H1-8: variants seen among roughly 807,000 people sequenced by gnomAD.
H1-8 encodes histone H1.8.
H1-8 carries 13 observed loss-of-function variants against 19.5 expected under a neutral mutation model. The ratio of observed to expected loss-of-function variants is 0.67; its 90% CI spans 0.43 to 1.06. The LOEUF is 1.06. Among genes scored for constraint, H1-8 ranks in the 50% least tolerant of loss-of-function variants. H1-8 has a pLI of 0.00. For synonymous variants in H1-8, 193 were observed against 187.6 expected (o/e 1.03, Z -0.24); for missense variants, 432 against 459.8 (o/e 0.94, Z 0.55).
intron 1 of H1-8, among the ~76,000 whole-genome samples, chr3:129,546,998 G>C (rs929119820): frequency 5.3e-5 from 8 of 152,210 alleles, no homozygotes; most frequent in African/African-American, 1.4e-4. Flanking sequence ...AGGAGTTCAA[G>C]ACCAGCCTGG....
At chr3:129,550,609 T>A in intron 3 of H1-8, 136 bp from the exon 4 acceptor site, 2 of 682,114 alleles carry the variant, frequency 2.9e-6, no homozygotes, top group Non-Finnish European at 5.2e-6. Flanking sequence ...AGTGGCTAAA[T>A]GATTTGCCCC....
chr3:129,546,156 A>G (rs200404854), intron 1 of H1-8, among the ~76,000 whole-genome samples: 6 of 138,706 alleles, frequency 4.3e-5, no homozygotes, highest in African/African-American at 9.4e-5. Context: ...TAATAATAAT[A>G]ATGATAATAA....
chr3:129,544,278 G>A (rs2084872172), intron 1 of H1-8, among the ~76,000 whole-genome samples: 3 of 152,190 alleles, frequency 2.0e-5, no homozygotes, highest in South Asian at 4.2e-4. Context: ...CTTCAGTTAG[G>A]TCAACTTTTA....
At position 129,549,102 on chromosome 3, in the gene H1-8, A is replaced by C. The variant is rs956127640; in HGVS notation, c.480A>C (p.Pro160=). 3.7e-6 allele frequency: 6 copies of C among 1,601,224 alleles called. No homozygotes were observed. Among genetic ancestry groups the C allele is most frequent in the Non-Finnish European group, 5.1e-6 (6 of 1,173,182 alleles). The change falls in exon 3 of 5, where the codon CCA becomes CCC. Residue 160 remains proline (P), a synonymous_variant. Transcript: ENST00000324382. ...GEAKGKGPKK[P]SEAKEDPPNV... ...CCAAGGGGAAGGGCCCCAAGAAACC[A>C]AGTGAGGCCAAGGAGGACCCTCCCA...
rs189831933 is a variant in H1-8 at position 129,547,488 on chromosome 3, G to C, written c.186G>C (p.Ala62=). 15 of 1,558,450 alleles carry C rather than the reference G, an allele frequency of 9.6e-6. No homozygotes were observed. In the South Asian group the frequency reaches 1.4e-4, roughly 15 times the overall value. The part of the protein sequence containing the change: ...HPPVLRMVLE[A]LQAGEQRRGT... ...CGGTGCTACGCATGGTGCTGGAGGC[G>C]CTGCAGGCTGGGGAGCAGCGCCGGG... The change falls in exon 2 of 5, where the codon GCG becomes GCC. Residue 62 remains alanine, a synonymous_variant. Coordinates refer to ENST00000324382, the MANE Select transcript of H1-8 (RefSeq NM_153833.3).
chr3:129,543,447 TCACCCAGCACC>T (rs755193609), intron 1 of H1-8, 141 bp downstream of exon 1: 4 of 641,366 alleles, frequency 6.2e-6, no homozygotes, highest in African/African-American at 3.7e-5. Flanking sequence ...CACCCAGCAC[TCACCCAGCACC>T]CACCCAGCAC....
At chr3:129,544,455 A>C (rs1383539713) in intron 1 of H1-8, among the ~76,000 whole-genome samples, 1 of 150,794 alleles carries the variant, frequency 6.6e-6, no homozygotes, top group Non-Finnish European at 1.5e-5. Context: ...GGAGGCCTCG[A>C]GTGGGTGTGG....
rs531898111 is a variant in H1-8 at position 129,546,107 on chromosome 3, G to A, written c.89-1284G>A. 4.9e-5 allele frequency among the ~76,000 whole-genome samples: 7 copies of A among 142,018 alleles called. No homozygotes were observed. The Admixed American group carries it at 5.1e-4, about 10-fold the overall frequency. The allele number at this position is 142,018 out of a possible 152,430, so 93.2% of individuals were successfully genotyped here. A position where few individuals can be genotyped will look rare whatever the true frequency, so the allele number is the denominator to read the frequency against. ...AACTGAGCAATGTAGTGAGACCTGT[G>A]TCAAATAACAATAACAATAATAATA... On this transcript the variant is annotated intron_variant, in intron 1 of 4. Coordinates refer to ENST00000324382, the MANE Select transcript of H1-8 (RefSeq NM_153833.3).
chr3:129,549,071 G>A lies in H1-8; in HGVS notation c.449G>A (p.Gly150Asp). Residue 150 changes from glycine to aspartate, a missense_variant, in exon 3 of 5, where the codon GGT (glycine) becomes GAT (aspartate). By Grantham distance (94) the Gly-to-Asp change is moderately conservative. Transcript: ENST00000324382. Reference sequence around the variant, plus strand: ...CCCGCGACGGCTCCCAGGAGAGCGGGTGAGGCCAAGGGGAAGGGCCCCAAG... The same window carrying A: ...CCCGCGACGGCTCCCAGGAGAGCGGATGAGGCCAAGGGGAAGGGCCCCAAG... Reference protein sequence around the residue: ...MAPATAPRRAGEAKGKGPKKP... With the variant: ...MAPATAPRRADEAKGKGPKKP... The A allele has an allele frequency of 1.2e-6, 2 of 1,612,288 alleles. No homozygotes were observed. Among genetic ancestry groups the A allele is most frequent in the African/African-American group, 1.3e-5 (1 of 75,014 alleles).
Position 129,543,317 on chromosome 3 carries a change from G to A in H1-8, c.88+11G>A. The stretch of plus-strand genomic sequence containing the variant: ...AATCTGAAAAGCCAGGTGAGCAAGA[G>A]GAGGCAGCTCCTCCCTCATCCCTGC... On this transcript the variant is annotated intron_variant, in intron 1 of 4. Coordinates refer to ENST00000324382, the MANE Select transcript of H1-8 (RefSeq NM_153833.3). 1 of 1,603,148 alleles carries A rather than the reference G, an allele frequency of 6.2e-7. No individual in the cohort carries two copies. Among genetic ancestry groups the A allele is most frequent in the African/African-American group, 1.3e-5 (1 of 74,768 alleles).
chr3:129,547,461 C>T lies in H1-8; in HGVS notation c.159C>T (p.Pro53=), dbSNP rs746578553. The change falls in exon 2 of 5, where the codon CCC becomes CCT. Residue 53 remains proline (P), a synonymous_variant. Transcript: ENST00000324382. ...GCCTCCCGGTGGGACGCCGCCACCC[C>T]CCGGTGCTACGCATGGTGCTGGAGG... ...HSSLPVGRRH[P]PVLRMVLEAL... 1.3e-6 allele frequency: 2 copies of T among 1,549,434 alleles called. No homozygotes were observed. The highest frequency in any genetic ancestry group is 1.4e-5 in the African/African-American group (1 of 73,006).
At position 129,551,143 on chromosome 3, in the gene H1-8, G is replaced by A; in HGVS notation, c.844G>A (p.Val282Met). ...NGAASPTKKKVVAKAKAPKAG... is the reference protein window; with the variant it reads ...NGAASPTKKKMVAKAKAPKAG... ...TGCTGCTTCCCCGACCAAAAAGAAG[G>A]TGGTGGCCAAGGCCAAGGCCCCTAA... The change falls in exon 5 of 5, where the codon GTG (valine) becomes ATG (methionine). Residue 282 changes from valine (V) to methionine (M), a missense_variant. By Grantham distance (21) the Val-to-Met change is conservative. Coordinates refer to ENST00000324382, the MANE Select transcript of H1-8 (RefSeq NM_153833.3). 6.2e-7 allele frequency: 1 copy of A among 1,614,148 alleles called. No individual in the cohort carries two copies. The highest frequency in any genetic ancestry group is 8.5e-7 in the Non-Finnish European group (1 of 1,180,022).
intron 4 of H1-8, 81 bp from the exon 5 acceptor site, chr3:129,551,026 T>G: frequency 8.0e-7 from 1 of 1,256,070 alleles, no homozygotes; most frequent in Non-Finnish European, 1.1e-6. Flanking sequence ...AGAAGGGCGA[T>G]GTTGTGTACC....
chr3:129,551,281 G>T lies in H1-8; in HGVS notation c.982G>T (p.Ala328Ser). 7 of 1,614,090 alleles carry T rather than the reference G, an allele frequency of 4.3e-6. No individual in the cohort carries two copies. The highest frequency in any genetic ancestry group is 5.9e-6 in the Non-Finnish European group (7 of 1,180,036). ...KTEAPKGPRK[A>S]GLPIKASSSK... is the part of the protein sequence containing the mutation. ...AGAGGCCCCCAAGGGCCCTAGAAAG[G>T]CTGGGCTGCCCATCAAGGCCTCATC... The change falls in exon 5 of 5, where the codon GCT (alanine) becomes TCT (serine). Residue 328 changes from alanine (A) to serine (S), a missense_variant. Transcript: ENST00000324382.
At position 129,547,451 on chromosome 3, in the gene H1-8, G is replaced by A. The variant is rs1383955135; in HGVS notation, c.149G>A (p.Arg50His). Residue 50 changes from arginine (R) to histidine (H), a missense_variant, in exon 2 of 5, where the codon CGC (arginine) becomes CAC (histidine). Arg to His is a conservative substitution (Grantham distance 29, BLOSUM62 0). Transcript: ENST00000324382. ...AGCCACAGCAGCCTCCCGGTGGGACGCCGCCACCCCCCGGTGCTACGCATG... is the reference window on the plus strand; with the variant it reads ...AGCCACAGCAGCCTCCCGGTGGGACACCGCCACCCCCCGGTGCTACGCATG... ...GPSHSSLPVG[R>H]RHPPVLRMVL... is the part of the protein sequence containing the mutation. The A allele has an allele frequency of 5.2e-6, 8 of 1,539,848 alleles. No individual in the cohort carries two copies. The African/African-American group carries it at 6.9e-5, about 13-fold the overall frequency.
In H1-8 at chr3:129,545,062, AT is replaced by A. The variant is rs746799373; in HGVS notation, c.88+1772del. Reference sequence around the variant, plus strand: ...TTGAAAAAAAATTTTAATATAGCCAATTTTTTTTTTTTTTTTGAGACAGGGT... The same window carrying A: ...TTGAAAAAAAATTTTAATATAGCCAATTTTTTTTTTTTTTTGAGACAGGGT... On this transcript the variant is annotated intron_variant, in intron 1 of 4. Coordinates refer to ENST00000324382, the MANE Select transcript of H1-8 (RefSeq NM_153833.3). Among the ~76,000 whole-genome samples the A allele has an allele frequency of 3.3e-3, 462 of 138,762 alleles. 2 individuals carry two copies. The highest frequency in any genetic ancestry group is 7.8e-3 in the Middle Eastern group (2 of 258). 91.0% of individuals were successfully genotyped at this position (138,762 alleles called of 152,430 possible).
At chr3:129,550,655 A>G (rs986209992) in intron 3 of H1-8, 90 bp from the exon 4 acceptor site, 2 of 1,038,788 alleles carry the variant, frequency 1.9e-6, no homozygotes, top group African/African-American at 3.2e-5. Flanking sequence ...AGGACCCAGG[A>G]GGAATGGGGG....
intron 4 of H1-8, 87 bp from the exon 5 acceptor site, chr3:129,551,020 G>C (rs1361033592): frequency 1.6e-6 from 2 of 1,214,532 alleles, no homozygotes; most frequent in African/African-American, 3.1e-5. Context: ...AGGCTTAGAA[G>C]GGCGATGTTG....
intron 1 of H1-8, among the ~76,000 whole-genome samples, chr3:129,546,932 G>A (rs2625960): frequency 0.23 from 35,240 of 152,046 alleles, 5,940 homozygotes; most frequent in East Asian, 0.61. Context: ...GGGCACGGTG[G>A]CTCAAGCCTG....
Sources: gnomAD v4.1 joint callset for allele counts (sites outside exome capture counted in the v4.1 genomes callset) on GRCh38, gnomAD v4.1.1 for gene constraint, MANE v1.5 for transcripts, NCBI Gene and HGNC (gene_info 2026-07-23, HGNC 2026-07-21) for gene names.